Variants in COL1A2 observed in about 807,000 individuals in gnomAD.
COL1A2 encodes the protein collagen alpha-2(I) chain.
In COL1A2, 49 loss-of-function variants were observed where a neutral mutation model predicts 174.3. That is an observed-to-expected ratio of 0.28 (90% confidence interval 0.22 to 0.36). COL1A2 has a LOEUF of 0.36. Among genes scored for constraint, COL1A2 ranks in the 10% least tolerant of loss-of-function variants. The pLI is 1.00. For missense variants in COL1A2, 1,438 were observed against 1,822.7 expected (o/e 0.79, Z 3.84); for synonymous variants, 655 against 606.6 (o/e 1.08, Z -1.17).
rs949102176 is a variant in COL1A2 at position 94,408,052 on chromosome 7, T to C, written c.640-131T>C. On this transcript the variant is annotated intron_variant, in intron 13 of 51. Coordinates refer to ENST00000297268, the MANE Select transcript of COL1A2 (RefSeq NM_000089.4). ...TAATTGAAATCCACTACTGTTTAGTTGGAATTAGAAGGCAACTTATTTATT... is the reference window on the plus strand; with the variant it reads ...TAATTGAAATCCACTACTGTTTAGTCGGAATTAGAAGGCAACTTATTTATT... 11 of 1,220,626 alleles carry C rather than the reference T, an allele frequency of 9.0e-6. No homozygotes were observed. The African/African-American group carries it at 1.7e-4, about 18-fold the overall frequency. The allele number at this position is 1,220,626 out of a possible 1,614,324, so 75.6% of individuals were successfully genotyped here. A position where few individuals can be genotyped will look rare whatever the true frequency, so the allele number is the denominator to read the frequency against.
chr7:94,404,412 A>C (rs1791751446), intron 6 of COL1A2, 144 bp from the exon 7 acceptor site: 1 of 823,126 alleles, frequency 1.2e-6, no homozygotes, highest in Non-Finnish European at 2.1e-6. Context: ...AGGAAGTTTG[A>C]GTCCTTAAAT....
Position 94,424,552 on chromosome 7 carries a change from T to C in COL1A2, c.2673+109T>C. On this transcript the variant is annotated intron_variant, in intron 41 of 51. Coordinates refer to ENST00000297268, the MANE Select transcript of COL1A2 (RefSeq NM_000089.4). ...TGAATAACTTCACTTAAGATTTTTA[T>C]TCATGGCATTTTCTTTATACAGATC... 6.1e-6 allele frequency: 6 copies of C among 988,520 alleles called. No homozygotes were observed. The Admixed American group carries it at 9.6e-5, about 16-fold the overall frequency. The allele number at this position is 988,520 out of a possible 1,614,324, so 61.2% of individuals were successfully genotyped here.
chr7:94,424,568 T>C, intron 41 of COL1A2, 125 bp downstream of exon 41: 2 of 828,628 alleles, frequency 2.4e-6, no homozygotes, highest in East Asian at 2.6e-5. Flanking sequence ...GCATTTTCTT[T>C]ATACAGATCA....
intron 51 of COL1A2, 195 bp from the exon 52 acceptor site, chr7:94,430,052 G>C: frequency 1.6e-6 from 1 of 607,026 alleles, no homozygotes. Flanking sequence ...TTTGTTTTTT[G>C]TTAGACTGAT....
At chr7:94,417,913 T>C (rs1792075715) in intron 32 of COL1A2, 82 bp downstream of exon 32, 1 of 1,151,248 alleles carries the variant, frequency 8.7e-7, no homozygotes, top group Non-Finnish European at 1.3e-6. Flanking sequence ...TTCACAATTC[T>C]TGGCAGGTGG....
rs113376320 is a variant in COL1A2, at chr7:94,399,890, A to C, written c.133-306A>C. On this transcript the variant is annotated intron_variant, in intron 4 of 51. Transcript: ENST00000297268. ...TAAGTCCTTGTGCACTGTTAAACAT[A>C]TGAAGCACGTGGAACCATACATTTT... 4.6e-5 allele frequency among the ~76,000 whole-genome samples: 7 copies of C among 152,312 alleles called. 1 individual carries two copies. Among genetic ancestry groups the C allele is most frequent in the African/African-American group, 1.7e-4 (7 of 41,576 alleles).
intron 9 of COL1A2, 146 bp from the exon 10 acceptor site, chr7:94,405,053 A>G (rs1426206322): frequency 2.8e-6 from 3 of 1,063,306 alleles, no homozygotes; most frequent in Non-Finnish European, 4.3e-6. Flanking sequence ...TAACTAACCT[A>G]CTTGTATTAA....
intron 30 of COL1A2, among the ~76,000 whole-genome samples, chr7:94,416,015 T>C (rs1471803290): frequency 6.6e-6 from 1 of 152,008 alleles, no homozygotes; most frequent in Non-Finnish European, 1.5e-5. Context: ...ATATCTAATG[T>C]TATCTACACC....
Position 94,427,292 on chromosome 7 carries a change from T to G in COL1A2, c.3264T>G (p.Pro1088=). Residue 1088 remains proline, a synonymous_variant, in exon 48 of 52, where the codon CCT becomes CCG. Transcript: ENST00000297268. ...GIRGPQGHQG[P]AGPPGPPGPP... ...GAGGCCCTCAGGGTCACCAAGGCCCTGCTGTAAGTATGATTTGGGGAAATA... is the reference window on the plus strand; with the variant it reads ...GAGGCCCTCAGGGTCACCAAGGCCCGGCTGTAAGTATGATTTGGGGAAATA... 6.2e-7 allele frequency: 1 copy of G among 1,609,888 alleles called. No individual in the cohort carries two copies. Among genetic ancestry groups the G allele is most frequent in the Non-Finnish European group, 8.5e-7 (1 of 1,177,504 alleles).
intron 6 of COL1A2, among the ~76,000 whole-genome samples, chr7:94,402,022 C>T (rs10251319): frequency 3.3e-5 from 5 of 152,106 alleles, no homozygotes; most frequent in South Asian, 4.2e-4. Flanking sequence ...AGGCATAGAA[C>T]TATTTATTAA....
chr7:94,404,760 T>C lies in COL1A2; in HGVS notation c.378+14T>C, dbSNP rs1194045122. 4 of 1,614,050 alleles carry C rather than the reference T, an allele frequency of 2.5e-6. No homozygotes were observed. The African/African-American group carries it at 5.3e-5, about 22-fold the overall frequency. Reference sequence around the variant, plus strand: ...CCTGGTCAAACTGTGAGTACATTTTTCCACCTTTGTGATAAGTTTTTTTCC... The same window carrying C: ...CCTGGTCAAACTGTGAGTACATTTTCCCACCTTTGTGATAAGTTTTTTTCC... On this transcript the variant is annotated intron_variant, in intron 8 of 51. Coordinates refer to ENST00000297268, the MANE Select transcript of COL1A2 (RefSeq NM_000089.4).
At chr7:94,413,579 T>C (rs950020433) in intron 26 of COL1A2, 111 bp from the exon 27 acceptor site, 9 of 1,081,332 alleles carry the variant, frequency 8.3e-6, no homozygotes, top group South Asian at 2.6e-5. Context: ...ATGAGTTTAA[T>C]TCATGCTAAA....
At chr7:94,426,218 ATGCTTGTT>A (rs1792275159) in intron 45 of COL1A2, among the ~76,000 whole-genome samples, 167 bp downstream of exon 45, 1 of 152,208 alleles carries the variant, frequency 6.6e-6, no homozygotes, top group Non-Finnish European at 1.5e-5. Flanking sequence ...TAAATCTCTT[ATGCTTGTT>A]TGTATTAAAC....
Position 94,405,726 on chromosome 7 carries a change from G to A in COL1A2, c.540G>A (p.Arg180=). The A allele has an allele frequency of 1.2e-6, 2 of 1,612,424 alleles. No homozygotes were observed. Among genetic ancestry groups the A allele is most frequent in the Non-Finnish European group, 8.5e-7 (1 of 1,178,522 alleles). ...TPGLPGFKGI[R]GHNGLDGLKG... ...GACTTCCTGGCTTCAAAGGCATTAG[G>A]GTGAGCACATTCTTTACTCAGAAGA... Residue 180 remains arginine, a splice_region_variant and synonymous_variant, in exon 11 of 52, where the codon AGG becomes AGA. Coordinates refer to ENST00000297268, the MANE Select transcript of COL1A2 (RefSeq NM_000089.4).
At chr7:94,396,853 A>T (rs935393206) in intron 1 of COL1A2, among the ~76,000 whole-genome samples, 2 of 152,114 alleles carry the variant, frequency 1.3e-5, no homozygotes, top group Non-Finnish European at 2.9e-5. Flanking sequence ...CACCTAATTA[A>T]AGCAATTTTT....
rs1373660363 is a variant in COL1A2, at chr7:94,423,070, C to A, written c.2517C>A (p.Pro839=). The A allele has an allele frequency of 6.2e-7, 1 of 1,614,106 alleles. No individual in the cohort carries two copies. Among genetic ancestry groups the A allele is most frequent in the Non-Finnish European group, 8.5e-7 (1 of 1,180,018 alleles). ...GRTGEVGAVG[P]PGFAGEKGPS... ...CTGGAGAAGTAGGTGCAGTTGGTCC[C>A]CCTGGCTTCGCTGGTGAGAAGGGTC... is the stretch of plus-strand genomic sequence containing the variant. Residue 839 remains proline (P), a synonymous_variant, in exon 40 of 52, where the codon CCC becomes CCA. Transcript: ENST00000297268.
At chr7:94,429,117 T>TTTTTTTCATG (rs1792346582) in intron 50 of COL1A2, 71 bp from the exon 51 acceptor site, 1 of 1,208,642 alleles carries the variant, frequency 8.3e-7, no homozygotes. Flanking sequence ...TCTTTTTTTT[T>TTTTTTTCATG]TTTTTCATGT....
In COL1A2 at chr7:94,430,429, GA is replaced by G; in HGVS notation, c.*42del. 6.2e-7 allele frequency: 1 copy of G among 1,602,000 alleles called. No individual in the cohort carries two copies. Among genetic ancestry groups the G allele is most frequent in the African/African-American group, 1.3e-5 (1 of 74,480 alleles). On this transcript the variant is annotated 3_prime_UTR_variant, in exon 52 of 52. Transcript: ENST00000297268. ...TCTAAATTAAAAAAGAAAGAAATTT[GA>G]AAAAACTTTCTCTTTGCCATTTCTT...
chr7:94,422,032 C>G, intron 39 of COL1A2, 80 bp downstream of exon 39: 1 of 1,251,874 alleles, frequency 8.0e-7, no homozygotes, highest in Non-Finnish European at 1.2e-6. Context: ...GTAAGAAACT[C>G]TTCATGAAAA....
Sources: allele counts gnomAD v4.1 joint callset (sites outside exome capture counted in the v4.1 genomes callset), GRCh38; gene constraint gnomAD v4.1.1; transcripts MANE v1.5; gene names NCBI Gene and HGNC (gene_info 2026-07-23, HGNC 2026-07-21).